RIF1: variants seen among roughly 807,000 people sequenced by gnomAD.
The protein encoded by RIF1 is replication timing regulatory factor 1.
Under a neutral mutation model 247.1 loss-of-function variants are expected in RIF1, and 45 were observed. The ratio of observed to expected loss-of-function variants is 0.18; its 90% CI spans 0.14 to 0.23. RIF1 has a LOEUF of 0.23. Ranked by LOEUF, RIF1 falls within the 10% of genes least tolerant of loss-of-function variation. RIF1 has a pLI of 1.00. For synonymous variants in RIF1, 1,087 were observed against 978.8 expected, an observed-to-expected ratio of 1.11 and a Z score of -2.06; for missense variants, 2,967 against 2,862.5, an observed-to-expected ratio of 1.04 and a Z score of -0.83.
the RIF1 span, chr2:151,527,341 C>T: frequency 2.2e-5 from 17 of 756,554 alleles, no homozygotes; most frequent in Non-Finnish European, 3.4e-5. Flanking sequence ...CCTATCGCTC[C>T]CCCAACCATC....
intron 17 of RIF1, 90 bp from the exon 18 acceptor site, chr2:151,443,439 C>G: frequency 7.2e-7 from 1 of 1,383,526 alleles, no homozygotes; most frequent in Non-Finnish European, 9.8e-7. Flanking sequence ...AATTCGTTAA[C>G]TTTTTGTCAG....
In RIF1 at chr2:151,474,065, T is replaced by C. The variant is rs1391503763; in HGVS notation, c.7197T>C (p.Leu2399=). Residue 2399 remains leucine (L), a synonymous_variant, in exon 35 of 36, where the codon CTT becomes CTC. Transcript: ENST00000444746. ...CTTTGTCACCTGATGAAGAAAGACTTGTCTCAGGTATATTTTAGCAAAAGT... is the reference window on the plus strand; with the variant it reads ...CTTTGTCACCTGATGAAGAAAGACTCGTCTCAGGTATATTTTAGCAAAAGT... ...NKSLSPDEER[L]VSDIIDPVAL... The C allele has an allele frequency of 1.4e-6, 2 of 1,453,260 alleles. No individual in the cohort carries two copies. Among genetic ancestry groups the C allele is most frequent in the Non-Finnish European group, 1.9e-6 (2 of 1,042,098 alleles). 90.0% of individuals were successfully genotyped at this position (1,453,260 alleles called of 1,614,324 possible). A position where few individuals can be genotyped will look rare whatever the true frequency, so the allele number is the denominator to read the frequency against.
At chr2:151,472,360 A>C (rs2048605634) in intron 34 of RIF1, among the ~76,000 whole-genome samples, 1 of 152,072 alleles carries the variant, frequency 6.6e-6, no homozygotes, top group Admixed American at 6.5e-5. Context: ...AATACCCTTT[A>C]TTTCTTTCTC....
Position 151,459,060 on chromosome 2 carries a change from A to AT in RIF1, c.2955+155dup, listed in dbSNP as rs1234057856. ...GGTGTGGCCTGAAATTTCTTTTGTG[A>AT]TTTTTCACTAGAGATTCTCATGTAA... On this transcript the variant is annotated intron_variant, in intron 25 of 35. Transcript: ENST00000444746. 4.7e-5 allele frequency: 26 copies of AT among 550,350 alleles called. 1 individual carries two copies. The highest frequency in any genetic ancestry group is 1.0e-4 in the Admixed American group (3 of 28,780). 34.1% of individuals were successfully genotyped at this position (550,350 alleles called of 1,614,324 possible).
chr2:151,425,148 T>G (rs1311582134), intron 8 of RIF1, among the ~76,000 whole-genome samples: 1 of 152,154 alleles, frequency 6.6e-6, no homozygotes, highest in East Asian at 1.9e-4. Context: ...TTTCTCTGAT[T>G]ACTAGTGATG....
intron 22 of RIF1, among the ~76,000 whole-genome samples, chr2:151,455,967 G>A (rs1695125980): frequency 2.0e-5 from 3 of 151,946 alleles, no homozygotes; most frequent in Admixed American, 2.0e-4. Flanking sequence ...GTAAATCATT[G>A]CCCACATTTG....
rs539074351 is a variant in RIF1, at chr2:151,440,106, A to G, written c.1626A>G (p.Val542=). The change falls in exon 15 of 36, where the codon GTA becomes GTG. Residue 542 remains valine (V), a synonymous_variant. Coordinates refer to ENST00000444746, the MANE Select transcript of RIF1 (RefSeq NM_018151.5). ...TGGAAAGCATAGTAAAGTCTGAAGT[A>G]TTTCCTGTATCAAAAACGCTGGTAA... is the stretch of plus-strand genomic sequence containing the variant. ...KSLESIVKSE[V]FPVSKTLVLM... The G allele has an allele frequency of 4.4e-6, 7 of 1,581,338 alleles. No individual in the cohort carries two copies. In the African/African-American group the frequency reaches 8.1e-5, roughly 18 times the overall value.
At chr2:151,509,234 A>G (rs892602766), downstream of RIF1, among the ~76,000 whole-genome samples, 1 of 152,242 alleles carries the variant, frequency 6.6e-6, no homozygotes. Flanking sequence ...AATTAAAGCC[A>G]GATTTTTCGG....
chr2:151,428,508 CTG>C (rs145721719), intron 8 of RIF1, among the ~76,000 whole-genome samples: 3,828 of 152,062 alleles, frequency 0.025, 112 homozygotes, highest in East Asian at 0.14. Flanking sequence ...TAGAAATGTT[CTG>C]TGTTGTACAT....
At chr2:151,526,096 A>G in the RIF1 span, 1 of 1,612,280 alleles carries the variant, frequency 6.2e-7, no homozygotes, top group Non-Finnish European at 8.5e-7. Flanking sequence ...GAGCTCATTA[A>G]GGCATCTGCC....
At chr2:151,427,486 CAGGTGTG>C (rs1689309292) in intron 8 of RIF1, among the ~76,000 whole-genome samples, 1 of 150,676 alleles carries the variant, frequency 6.6e-6, no homozygotes, top group Non-Finnish European at 1.5e-5. Flanking sequence ...GCTGGGATTG[CAGGTGTG>C]AGCCACCGTG....
the RIF1 span, among the ~76,000 whole-genome samples, chr2:151,516,153 T>C: frequency 1.3e-5 from 2 of 152,186 alleles, no homozygotes; most frequent in Non-Finnish European, 2.9e-5. Context: ...GAGGGAACTT[T>C]TCATTCATAA....
rs1221057429 is a variant in RIF1 at position 151,478,575 on chromosome 2, C to T, written c.*3504C>T. ...GTTAAAGACTCTGTTACAATTTAAA[C>T]ATCATAAAAATGTGAAGAGTAAGTG... On this transcript the variant is annotated 3_prime_UTR_variant, in exon 36 of 36. Coordinates refer to ENST00000444746, the MANE Select transcript of RIF1 (RefSeq NM_018151.5). The T allele has an allele frequency of 6.7e-6, 1 of 149,866 alleles. No individual in the cohort carries two copies. Among genetic ancestry groups the T allele is most frequent in the East Asian group, 1.9e-4 (1 of 5,132 alleles). The allele number at this position is 149,866 out of a possible 1,614,324, so 9.3% of individuals were successfully genotyped here. A position where few individuals can be genotyped will look rare whatever the true frequency, so the allele number is the denominator to read the frequency against.
chr2:151,470,503 T>C (rs1432002716), intron 34 of RIF1, among the ~76,000 whole-genome samples: 1 of 152,134 alleles, frequency 6.6e-6, no homozygotes, highest in African/African-American at 2.4e-5. Context: ...GCAGCCCTAA[T>C]CTGTAAATCC....
At chr2:151,499,862 T>C (rs551793348) in intron 11 of RIF1, among the ~76,000 whole-genome samples, 171 of 152,330 alleles carry the variant, frequency 1.1e-3, no homozygotes, top group African/African-American at 3.8e-3. Context: ...AGAGGTTCAA[T>C]ATGTGGCATT....
At chr2:151,466,173 T>G (rs1574140294) in intron 30 of RIF1, 53 bp downstream of exon 30, 2 of 1,167,328 alleles carry the variant, frequency 1.7e-6, no homozygotes, top group East Asian at 4.7e-5. Context: ...TTGGGATATT[T>G]TGGCCATACA....
chr2:151,459,712 T>A (rs528822148), intron 25 of RIF1, among the ~76,000 whole-genome samples: 1 of 152,342 alleles, frequency 6.6e-6, no homozygotes, highest in South Asian at 2.1e-4. Context: ...AGGTAGAGTG[T>A]TTGAATGTAG....
the RIF1 span, among the ~76,000 whole-genome samples, chr2:151,530,020 G>T: frequency 1.6e-4 from 24 of 152,264 alleles, no homozygotes; most frequent in Non-Finnish European, 2.6e-4. Context: ...TGCTCCGGCA[G>T]TTATAGCTAT....
chr2:151,439,815 A>C (rs1269070079), intron 14 of RIF1, among the ~76,000 whole-genome samples: 2 of 151,304 alleles, frequency 1.3e-5, no homozygotes, highest in African/African-American at 4.9e-5. Flanking sequence ...TCTACTAAAA[A>C]TATGAAAATC....
Sources: allele counts gnomAD v4.1 joint callset (sites outside exome capture counted in the v4.1 genomes callset), GRCh38; gene constraint gnomAD v4.1.1; transcripts MANE v1.5; gene names NCBI Gene and HGNC (gene_info 2026-07-23, HGNC 2026-07-21).